Variants in CECR2 observed in about 807,000 individuals in gnomAD.
CECR2 encodes the protein CECR2 histone acetyl-lysine reader.
A neutral mutation model predicts 154.5 loss-of-function variants in CECR2; 30 were observed. That is an observed-to-expected ratio of 0.19 (90% CI 0.15 to 0.26). The LOEUF (loss-of-function observed/expected upper bound fraction) is 0.26, where lower values mean the gene tolerates loss of function less well. Ranked by LOEUF, CECR2 falls within the 10% of genes least tolerant of loss-of-function variation. CECR2 has a pLI of 1.00. For synonymous variants in CECR2, 725 were observed against 683.7 expected (o/e 1.06, Z -0.94); for missense variants, 1,743 against 1,829.3 (o/e 0.95, Z 0.86).
intron 1 of CECR2, among the ~76,000 whole-genome samples, chr22:17,466,029 A>T (rs112641157): frequency 2.6e-5 from 4 of 151,970 alleles, no homozygotes; most frequent in African/African-American, 7.2e-5. Flanking sequence ...ATTTATTTAT[A>T]TTATTATTTT....
At chr22:17,434,255 C>G (rs1056024163) in intron 1 of CECR2, among the ~76,000 whole-genome samples, 1 of 152,198 alleles carries the variant, frequency 6.6e-6, no homozygotes, top group African/African-American at 2.4e-5. Flanking sequence ...AGGCCACTCA[C>G]GTTAAGTCAG....
chr22:17,548,464 G>A lies in CECR2; in HGVS notation c.3177G>A (p.Gly1059=), dbSNP rs1286881911. 7 of 1,614,008 alleles carry A rather than the reference G, an allele frequency of 4.3e-6. No individual in the cohort carries two copies. The highest frequency in any genetic ancestry group is 5.1e-6 in the Non-Finnish European group (6 of 1,179,892). ...RGALSENGVI[G]EASPCGSEGK... is the part of the protein sequence containing the mutation. The stretch of plus-strand genomic sequence containing the variant: ...CTCTATCCGAGAACGGAGTCATTGG[G>A]GAAGCATCTCCTTGTGGATCGGAGG... Residue 1059 remains glycine, a synonymous_variant, in exon 17 of 19, where the codon GGG becomes GGA. Coordinates refer to ENST00000262608, the MANE Select transcript of CECR2 (RefSeq NM_001290047.2).
chr22:17,451,730 A>G (rs1172612658), intron 1 of CECR2, among the ~76,000 whole-genome samples: 1 of 152,182 alleles, frequency 6.6e-6, no homozygotes, highest in African/African-American at 2.4e-5. Flanking sequence ...AGCATCCTTC[A>G]CCAGTTACAA....
At chr22:17,381,466 T>G (rs2063188234) in intron 1 of CECR2, among the ~76,000 whole-genome samples, 1 of 152,174 alleles carries the variant, frequency 6.6e-6, no homozygotes, top group Non-Finnish European at 1.5e-5. Flanking sequence ...TAACCCTGGA[T>G]TTTCATCGCT....
Position 17,489,882 on chromosome 22 carries a change from C to CTT in CECR2, c.222-7509_222-7508dup, listed in dbSNP as rs139768297. ...CTGTTTACTTTGGCTTTAGCTTGCTCTTTTTTTTTTTTTGCTTCTTTGGAG... is the reference window on the plus strand; with the variant it reads ...CTGTTTACTTTGGCTTTAGCTTGCTCTTTTTTTTTTTTTTTGCTTCTTTGGAG... On this transcript the variant is annotated intron_variant, in intron 2 of 18. Coordinates refer to ENST00000262608, the MANE Select transcript of CECR2 (RefSeq NM_001290047.2). 7.1e-3 allele frequency among the ~76,000 whole-genome samples: 992 copies of CTT among 140,486 alleles called. 12 individuals carry two copies. The highest frequency in any genetic ancestry group is 0.024 in the African/African-American group (920 of 38,588). The allele number at this position is 140,486 out of a possible 152,430, so 92.2% of individuals were successfully genotyped here.
At chr22:17,397,507 A>AT (rs1305809300) in intron 1 of CECR2, among the ~76,000 whole-genome samples, 1 of 151,470 alleles carries the variant, frequency 6.6e-6, no homozygotes, top group Non-Finnish European at 1.5e-5. Flanking sequence ...AATTATTATT[A>AT]TTTTTTTTAA....
rs370552803 is a variant in CECR2, at chr22:17,542,213, G to C, written c.2070G>C (p.Lys690Asn). The change falls in exon 16 of 19, where the codon AAG becomes AAC. Residue 690 changes from lysine (K) to asparagine (N), a missense_variant. Lys to Asn is a moderately conservative substitution (Grantham distance 94). Coordinates refer to ENST00000262608, the MANE Select transcript of CECR2 (RefSeq NM_001290047.2). ...CCAGGCTAGGCACACCAGAGGAGAA[G>C]CAAATGTGCGGGGGGCTGACACACC... ...RGPRLGTPEE[K>N]QMCGGLTHLS... 37 of 1,612,590 alleles carry C rather than the reference G, an allele frequency of 2.3e-5. No homozygotes were observed. The highest frequency in any genetic ancestry group is 2.9e-5 in the Non-Finnish European group (34 of 1,179,294).
At chr22:17,438,611 A>G (rs1323731258) in intron 1 of CECR2, among the ~76,000 whole-genome samples, 1 of 148,076 alleles carries the variant, frequency 6.8e-6, no homozygotes, top group Non-Finnish European at 1.5e-5. Context: ...TTCTTAAAAC[A>G]TTATGAGATT....
At chr22:17,376,662 G>A (rs28588422) in intron 1 of CECR2, among the ~76,000 whole-genome samples, 14,327 of 147,766 alleles carry the variant, frequency 0.097, 920 homozygotes, top group African/African-American at 0.19. Context: ...TTTTTGAGAT[G>A]GAGTCTTGCT....
chr22:17,375,503 T>G (rs1462086616), intron 1 of CECR2, among the ~76,000 whole-genome samples: 1 of 152,112 alleles, frequency 6.6e-6, no homozygotes, highest in Non-Finnish European at 1.5e-5. Context: ...CCTGCTTGCT[T>G]TTTAGTGCAA....
At chr22:17,549,597 A>G (rs1569159896) in intron 17 of CECR2, 33 bp downstream of exon 17, 2 of 1,461,970 alleles carry the variant, frequency 1.4e-6, no homozygotes, top group Non-Finnish European at 1.9e-6. Flanking sequence ...CCCCCTAAAG[A>G]GAGAACAGAT....
upstream of CECR2, among the ~76,000 whole-genome samples, chr22:17,365,208 G>C (rs1439401448): frequency 6.6e-6 from 1 of 151,634 alleles, no homozygotes; most frequent in Non-Finnish European, 1.5e-5. Context: ...TGGGCAACAA[G>C]AGTGAAACTC....
chr22:17,477,276 G>T (rs1280746628), intron 1 of CECR2: 1 of 618,264 alleles, frequency 1.6e-6, no homozygotes, highest in East Asian at 2.7e-5. Context: ...TATAATCAAA[G>T]AGTTAAGCTC....
At chr22:17,452,884 C>T (rs184389292) in intron 1 of CECR2, among the ~76,000 whole-genome samples, 1 of 152,226 alleles carries the variant, frequency 6.6e-6, no homozygotes, top group African/African-American at 2.4e-5. Context: ...TCACATCTTA[C>T]ACACTTTTTA....
At chr22:17,498,943 T>C (rs760779745) in intron 3 of CECR2, among the ~76,000 whole-genome samples, 1 of 152,192 alleles carries the variant, frequency 6.6e-6, no homozygotes, top group East Asian at 1.9e-4. Context: ...GTGTTTCTTA[T>C]GCTGATTGAA....
intron 1 of CECR2, among the ~76,000 whole-genome samples, chr22:17,447,652 TAAAAAAAA>T (rs5844311): frequency 2.2e-5 from 3 of 134,208 alleles, no homozygotes; most frequent in Non-Finnish European, 4.9e-5. Flanking sequence ...CCCAGAGACT[TAAAAAAAA>T]AAAAGAAAAG....
At chr22:17,426,971 A>G (rs1481906464) in intron 1 of CECR2, among the ~76,000 whole-genome samples, 1 of 151,878 alleles carries the variant, frequency 6.6e-6, no homozygotes, top group African/African-American at 2.4e-5. Context: ...ACCCATCATC[A>G]TTTACATTAG....
At chr22:17,494,867 G>C (rs2055594847) in intron 2 of CECR2, among the ~76,000 whole-genome samples, 2 of 151,818 alleles carry the variant, frequency 1.3e-5, no homozygotes, top group Admixed American at 1.3e-4. Context: ...GCTAATTTTT[G>C]TATTTATAGT....
At chr22:17,541,008 TCTTGGCCTCAAACA>T (rs1252728495) in intron 14 of CECR2, among the ~76,000 whole-genome samples, 4 of 152,232 alleles carry the variant, frequency 2.6e-5, no homozygotes, top group African/African-American at 9.6e-5. Flanking sequence ...GGTCTCAAAC[TCTTGGCCTCAAACA>T]GTCCTTCTGC....
Sources: gnomAD v4.1 joint callset for allele counts (sites outside exome capture counted in the v4.1 genomes callset) on GRCh38, gnomAD v4.1.1 for gene constraint, MANE v1.5 for transcripts, NCBI Gene and HGNC (gene_info 2026-07-23, HGNC 2026-07-21) for gene names.